The following MAN1A1 variants were observed in gnomAD, a reference collection of about 807,000 sequenced individuals.
MAN1A1 encodes mannosyl-oligosaccharide 1,2-alpha-mannosidase IA.
In MAN1A1, 29 loss-of-function variants were observed where a neutral mutation model predicts 70.8. The ratio of observed to expected loss-of-function variants is 0.41; its 90% confidence interval spans 0.31 to 0.56. The LOEUF (loss-of-function observed/expected upper bound fraction) is 0.56, where lower values mean the gene tolerates loss of function less well. Ranked by LOEUF, MAN1A1 falls within the 20% of genes least tolerant of loss-of-function variation. The pLI, the probability that MAN1A1 is intolerant of heterozygous loss-of-function variation, is 0.29. For missense variants in MAN1A1, 747 were observed against 841.3 expected (o/e 0.89, Z 1.39); for synonymous variants, 349 against 330.1 (o/e 1.06, Z -0.62).
At chr6:119,260,555 A>G (rs1411116633) in intron 5 of MAN1A1, among the ~76,000 whole-genome samples, 2 of 152,222 alleles carry the variant, frequency 1.3e-5, no homozygotes, top group Non-Finnish European at 2.9e-5. Flanking sequence ...TGTAGGGTCA[A>G]AGTAGCCATA....
chr6:119,193,717 A>G (rs1773498126), intron 9 of MAN1A1, 60 bp downstream of exon 9: 1 of 1,160,672 alleles, frequency 8.6e-7, no homozygotes, highest in African/African-American at 1.6e-5. Context: ...TTAAAACTTG[A>G]TTAATATACA....
chr6:119,285,137 CTT>C (rs1554211815), intron 5 of MAN1A1, among the ~76,000 whole-genome samples: 18 of 70,202 alleles, frequency 2.6e-4, no homozygotes, highest in Admixed American at 8.7e-4. Context: ...AGGTAGCAGA[CTT>C]TTTTTTTTTT....
At chr6:119,257,390 G>GT (rs1217536115) in intron 5 of MAN1A1, among the ~76,000 whole-genome samples, 1 of 152,136 alleles carries the variant, frequency 6.6e-6, no homozygotes, top group Non-Finnish European at 1.5e-5. Context: ...CCCATTTATG[G>GT]TAAGTGGAGA....
intron 2 of MAN1A1, among the ~76,000 whole-genome samples, chr6:119,308,161 T>A (rs1197022518): frequency 6.6e-6 from 1 of 152,090 alleles, no homozygotes; most frequent in East Asian, 1.9e-4. Flanking sequence ...GAAACTGAGG[T>A]TTGGAAGTTA....
chr6:119,338,334 GAA>G (rs375948041), intron 2 of MAN1A1, among the ~76,000 whole-genome samples: 2 of 144,118 alleles, frequency 1.4e-5, no homozygotes, highest in Non-Finnish European at 3.1e-5. Context: ...ATTTAGGGTG[GAA>G]AAAAAAAAGC....
intron 6 of MAN1A1, among the ~76,000 whole-genome samples, chr6:119,220,892 C>A (rs1774341407): frequency 6.6e-6 from 1 of 151,968 alleles, no homozygotes; most frequent in East Asian, 1.9e-4. Flanking sequence ...TTTGAAACAA[C>A]ACGGCATTAA....
intron 2 of MAN1A1, among the ~76,000 whole-genome samples, chr6:119,318,932 A>G (rs560263387): frequency 6.6e-6 from 1 of 152,348 alleles, no homozygotes; most frequent in African/African-American, 2.4e-5. Context: ...TGTGTTACTG[A>G]AAAGAGACAT....
intron 7 of MAN1A1, among the ~76,000 whole-genome samples, chr6:119,202,778 C>T (rs1697910898): frequency 6.6e-6 from 1 of 152,124 alleles, no homozygotes; most frequent in African/African-American, 2.4e-5. Context: ...TAAGTAACAC[C>T]TAACTGTATA....
At position 119,179,724 on chromosome 6, in the gene MAN1A1, C is replaced by A. The variant is rs1234948638; in HGVS notation, c.*95G>T. 2.9e-5 allele frequency: 34 copies of A among 1,163,452 alleles called. No individual in the cohort carries two copies. The highest frequency in any genetic ancestry group is 3.8e-5 in the Non-Finnish European group (31 of 809,432). The allele number at this position is 1,163,452 out of a possible 1,614,324, so 72.1% of individuals were successfully genotyped here. On this transcript the variant is annotated 3_prime_UTR_variant, in exon 13 of 13. Transcript: ENST00000368468. ...ATTTAAGAACTTAATCACAGACCTACTAATCAAAGTTCATCATGTGCCTGA... is the reference window on the plus strand; with the variant it reads ...ATTTAAGAACTTAATCACAGACCTAATAATCAAAGTTCATCATGTGCCTGA...
chr6:119,179,060 C>A lies in MAN1A1; in HGVS notation c.*759G>T, dbSNP rs529216392. On this transcript the variant is annotated 3_prime_UTR_variant, in exon 13 of 13. Transcript: ENST00000368468. ...GAGCTCTGCAAAATTTGAAAGCTCA[C>A]CTCTCTGTGTAGTGGGGAATGGAAG... The A allele has an allele frequency of 2.0e-5, 3 of 152,224 alleles. No homozygotes were observed. The East Asian group carries it at 5.8e-4, about 29-fold the overall frequency. The allele number at this position is 152,224 out of a possible 1,614,324, so 9.4% of individuals were successfully genotyped here.
At chr6:119,322,447 TATTGTAAAGGA>T (rs1365848479) in intron 2 of MAN1A1, among the ~76,000 whole-genome samples, 2 of 152,188 alleles carry the variant, frequency 1.3e-5, no homozygotes, top group Non-Finnish European at 2.9e-5. Context: ...GGTAACCACC[TATTGTAAAGGA>T]ATTGTCTTCC....
At chr6:119,245,331 T>C (rs2114316554) in intron 6 of MAN1A1, among the ~76,000 whole-genome samples, 1 of 152,304 alleles carries the variant, frequency 6.6e-6, no homozygotes. Context: ...CTTTTGCTGG[T>C]GACAGCCTTC....
At chr6:119,259,199 C>A (rs1775540156) in intron 5 of MAN1A1, among the ~76,000 whole-genome samples, 1 of 152,138 alleles carries the variant, frequency 6.6e-6, no homozygotes, top group Admixed American at 6.5e-5. Context: ...CTGTTGTATT[C>A]ATTCTCCTTC....
chr6:119,338,688 T>C (rs1773527133), intron 2 of MAN1A1, among the ~76,000 whole-genome samples: 1 of 152,206 alleles, frequency 6.6e-6, no homozygotes, highest in African/African-American at 2.4e-5. Context: ...GAGAGGTCAA[T>C]ACCTTCCTCA....
chr6:119,208,628 T>G (rs968472694), intron 6 of MAN1A1, among the ~76,000 whole-genome samples: 4 of 152,292 alleles, frequency 2.6e-5, no homozygotes, highest in Middle Eastern at 3.4e-3. Flanking sequence ...CTGGGAATGG[T>G]TAATAGGGCT....
intron 5 of MAN1A1, among the ~76,000 whole-genome samples, chr6:119,260,547 T>C (rs1011591646): frequency 6.6e-6 from 1 of 152,232 alleles, no homozygotes; most frequent in African/African-American, 2.4e-5. Flanking sequence ...ACTATAGCTG[T>C]AGGGTCAAAG....
At chr6:119,318,352 T>C (rs1772910877) in intron 2 of MAN1A1, among the ~76,000 whole-genome samples, 1 of 152,174 alleles carries the variant, frequency 6.6e-6, no homozygotes. Flanking sequence ...AGAGGTAAAG[T>C]AATTTTCCCA....
rs776115234 is a variant in MAN1A1 at position 119,238,629 on chromosome 6, G to T, written c.992+9631C>A. The stretch of plus-strand genomic sequence containing the variant: ...AATGTCCTATTACTTGATCAGTTTT[G>T]AAAGTGATTATCTTAAGAACTTGAC... On this transcript the variant is annotated intron_variant, in intron 6 of 12. Transcript: ENST00000368468. Among the ~76,000 whole-genome samples, 129 of 152,118 alleles carry T rather than the reference G, an allele frequency of 8.5e-4. 1 individual carries two copies. The highest frequency in any genetic ancestry group is 1.2e-3 in the Non-Finnish European group (81 of 68,020).
chr6:119,193,363 C>A (rs1394970093), intron 9 of MAN1A1, among the ~76,000 whole-genome samples: 2 of 152,072 alleles, frequency 1.3e-5, no homozygotes, highest in Admixed American at 1.3e-4. Context: ...GAGTACTGTC[C>A]ATTTATCTCT....
Sources: gnomAD v4.1 joint callset for allele counts (sites outside exome capture counted in the v4.1 genomes callset) on GRCh38, gnomAD v4.1.1 for gene constraint, MANE v1.5 for transcripts, NCBI Gene and HGNC (gene_info 2026-07-23, HGNC 2026-07-21) for gene names.